The following TNS3 variants were observed in gnomAD, a reference collection of about 807,000 sequenced individuals.
The protein encoded by TNS3 is tensin-3.
A neutral mutation model predicts 140.9 loss-of-function variants in TNS3; 45 were observed. The observed-to-expected ratio is 0.32, with a 90% CI of 0.25 to 0.41. TNS3 has a LOEUF of 0.41. Ranked by LOEUF, TNS3 falls within the 10% of genes least tolerant of loss-of-function variation. The pLI, the probability that TNS3 is intolerant of heterozygous loss-of-function variation, is 1.00. For missense variants in TNS3, 1,716 were observed against 1,906.7 expected (o/e 0.90, Z 1.86); for synonymous variants, 815 against 788.4 (o/e 1.03, Z -0.56).
Position 47,276,183 on chromosome 7 carries a change from C to A in TNS3, c.*1893G>T. ...TGCCAGCACCTCCTGACAGTCATGC[C>A]ACCGCAAGTTAGAGAAGGAGGTCCA... On this transcript the variant is annotated 3_prime_UTR_variant, in exon 31 of 31. Coordinates refer to ENST00000311160, the MANE Select transcript of TNS3 (RefSeq NM_022748.12). 5.2e-6 allele frequency: 1 copy of A among 190,602 alleles called. No homozygotes were observed. Among genetic ancestry groups the A allele is most frequent in the Non-Finnish European group, 1.1e-5 (1 of 91,192 alleles). 11.8% of individuals were successfully genotyped at this position (190,602 alleles called of 1,614,324 possible).
At chr7:47,447,962 A>G (rs189339735) in intron 4 of TNS3, among the ~76,000 whole-genome samples, 301 of 152,332 alleles carry the variant, frequency 2.0e-3, no homozygotes, top group African/African-American at 7.2e-3. Context: ...GAGCAGAACA[A>G]GGGAAGAGCC....
intron 3 of TNS3, among the ~76,000 whole-genome samples, chr7:47,506,197 T>C (rs334495): frequency 0.72 from 109,300 of 152,066 alleles, 39,338 homozygotes; most frequent in Non-Finnish European, 0.74. Flanking sequence ...CAAATCATAC[T>C]TGGGGATTCC....
chr7:47,515,436 A>G (rs1381682316), intron 2 of TNS3, among the ~76,000 whole-genome samples: 1 of 152,184 alleles, frequency 6.6e-6, no homozygotes, highest in Non-Finnish European at 1.5e-5. Flanking sequence ...TCACAGCACT[A>G]TCATTGCTGT....
chr7:47,519,401 A>G lies in TNS3; in HGVS notation c.-153+9635T>C, dbSNP rs554060589. On this transcript the variant is annotated intron_variant, in intron 2 of 30. Coordinates refer to ENST00000311160, the MANE Select transcript of TNS3 (RefSeq NM_022748.12). ...CTCAAAAACATCTTAAGTCTAACTCAGGAAACCCTCTTAGTAATTGTCTCC... is the reference window on the plus strand; with the variant it reads ...CTCAAAAACATCTTAAGTCTAACTCGGGAAACCCTCTTAGTAATTGTCTCC... Among the ~76,000 whole-genome samples the G allele has an allele frequency of 1.6e-4, 24 of 152,308 alleles. No homozygotes were observed. The South Asian group carries it at 4.6e-3, about 29-fold the overall frequency.
intron 16 of TNS3, among the ~76,000 whole-genome samples, chr7:47,383,232 G>C (rs374718120): frequency 9.3e-4 from 141 of 152,324 alleles, no homozygotes; most frequent in African/African-American, 3.2e-3. Context: ...CCACAGCCAT[G>C]AAAGGATGGA....
chr7:47,511,923 A>G (rs1263843235), intron 2 of TNS3, among the ~76,000 whole-genome samples: 1 of 152,164 alleles, frequency 6.6e-6, no homozygotes, highest in African/African-American at 2.4e-5. Flanking sequence ...GGCTCCTTCC[A>G]TGCAGCCCCG....
At chr7:47,280,221 A>T (rs1287089639) in intron 29 of TNS3, 31 bp from the exon 30 acceptor site, 1 of 1,614,038 alleles carries the variant, frequency 6.2e-7, no homozygotes, top group Non-Finnish European at 8.5e-7. Context: ...ACAGAGGTTA[A>T]TTTTTTTAAA....
At chr7:47,447,849 A>G (rs539866964) in intron 4 of TNS3, among the ~76,000 whole-genome samples, 5 of 152,312 alleles carry the variant, frequency 3.3e-5, no homozygotes, top group Non-Finnish European at 5.9e-5. Context: ...TAGTATCTCT[A>G]TGAGAACCAT....
chr7:47,419,063 C>A (rs1794232756), intron 10 of TNS3, among the ~76,000 whole-genome samples: 2 of 152,250 alleles, frequency 1.3e-5, no homozygotes, highest in Admixed American at 1.3e-4. Context: ...TCTTAACGTT[C>A]TGCTGAGCAT....
chr7:47,352,126 C>A (rs1230545732), intron 17 of TNS3, among the ~76,000 whole-genome samples: 1 of 149,436 alleles, frequency 6.7e-6, no homozygotes, highest in Non-Finnish European at 1.5e-5. Flanking sequence ...GTCTCTCACA[C>A]ACTCTTACAC....
chr7:47,366,684 C>A (rs561788568), intron 17 of TNS3, among the ~76,000 whole-genome samples: 25 of 149,540 alleles, frequency 1.7e-4, no homozygotes, highest in African/African-American at 5.8e-4. Flanking sequence ...GACACTGAGT[C>A]CACACCTCAG....
Position 47,496,973 on chromosome 7 carries a change from G to C in TNS3, c.-115+9934C>G, listed in dbSNP as rs146968285. Among the ~76,000 whole-genome samples, 44 of 152,306 alleles carry C rather than the reference G, an allele frequency of 2.9e-4. No homozygotes were observed. In the East Asian group the frequency reaches 8.1e-3, roughly 28 times the overall value. On this transcript the variant is annotated intron_variant, in intron 3 of 30. Transcript: ENST00000311160. ...CCAGAACCAAGGCAGCATCGAGCAAGAGGCACTTGGATTCCAGTGTCAGAA... is the reference window on the plus strand; with the variant it reads ...CCAGAACCAAGGCAGCATCGAGCAACAGGCACTTGGATTCCAGTGTCAGAA...
chr7:47,292,030 G>T lies in TNS3; in HGVS notation c.3853C>A (p.Pro1285Thr). Reference sequence around the variant, plus strand: ...GAACTTTCTGCTATTTCCTCCAATGGATCTGTAGGAAGGGGCAAGAAAATA... The same window carrying T: ...GAACTTTCTGCTATTTCCTCCAATGTATCTGTAGGAAGGGGCAAGAAAATA... ...PCKLLIPERD[P>T]LEEIAESSPQ... The change falls in exon 27 of 31, where the codon CCA becomes ACA. Residue 1285 changes from proline to threonine, a missense_variant and splice_region_variant. By Grantham distance (38) the Pro-to-Thr change is conservative. Around this residue, in one of 3 missense-constraint regions of TNS3, gnomAD observed 216 missense variants for 295.7 expected, o/e 0.73. Coordinates refer to ENST00000311160, the MANE Select transcript of TNS3 (RefSeq NM_022748.12). 2 of 1,614,052 alleles carry T rather than the reference G, an allele frequency of 1.2e-6. No individual in the cohort carries two copies. Among genetic ancestry groups the T allele is most frequent in the Non-Finnish European group, 1.7e-6 (2 of 1,179,974 alleles).
At chr7:47,300,408 T>A (rs1235758862) in intron 23 of TNS3, among the ~76,000 whole-genome samples, 2 of 152,198 alleles carry the variant, frequency 1.3e-5, no homozygotes, top group Non-Finnish European at 2.9e-5. Context: ...ATCAAGCACA[T>A]GCCAACAGCA....
chr7:47,545,718 G>A (rs564387421), intron 1 of TNS3, among the ~76,000 whole-genome samples: 4 of 152,242 alleles, frequency 2.6e-5, no homozygotes, highest in African/African-American at 9.6e-5. Context: ...CTTCCTGACC[G>A]AAAATGCCCC....
intron 3 of TNS3, among the ~76,000 whole-genome samples, chr7:47,487,697 C>G (rs542525838): frequency 2.0e-5 from 3 of 152,288 alleles, no homozygotes; most frequent in African/African-American, 7.2e-5. Context: ...AAGCAATTCA[C>G]TGAGTTAAGC....
In TNS3 at chr7:47,368,322, GGAGCA is replaced by G. The variant is rs778056126; in HGVS notation, c.2281+38_2281+42del. ...TTCTCATCACACATTAGCCTCCCGTGGAGCACCTCCCGTGGAGCACCTCCCATGGA... is the reference window on the plus strand; with the variant it reads ...TTCTCATCACACATTAGCCTCCCGTGCCTCCCGTGGAGCACCTCCCATGGA... On this transcript the variant is annotated intron_variant, in intron 17 of 30. Transcript: ENST00000311160. 26 of 1,434,840 alleles carry G rather than the reference GGAGCA, an allele frequency of 1.8e-5. No homozygotes were observed. The African/African-American group carries it at 3.6e-4, about 20-fold the overall frequency. The allele number at this position is 1,434,840 out of a possible 1,614,324, so 88.9% of individuals were successfully genotyped here. A position where few individuals can be genotyped will look rare whatever the true frequency, so the allele number is the denominator to read the frequency against.
intron 16 of TNS3, among the ~76,000 whole-genome samples, chr7:47,378,698 A>C (rs933529956): frequency 6.6e-6 from 1 of 152,036 alleles, no homozygotes; most frequent in Non-Finnish European, 1.5e-5. Context: ...TGCTTAACCC[A>C]CAAGGTTAGG....
rs137928747 is a variant in TNS3 at position 47,458,991 on chromosome 7, G to A, written c.-75-16936C>T. Reference sequence around the variant, plus strand: ...ATAGGATGGACCCCTAAATAAGTACGGGCGACTTTCTTCCGCCCATACTTA... The same window carrying A: ...ATAGGATGGACCCCTAAATAAGTACAGGCGACTTTCTTCCGCCCATACTTA... On this transcript the variant is annotated intron_variant, in intron 4 of 30. Transcript: ENST00000311160. Among the ~76,000 whole-genome samples the A allele has an allele frequency of 4.0e-3, 615 of 152,158 alleles. 1 individual carries two copies. The highest frequency in any genetic ancestry group is 0.014 in the Middle Eastern group (4 of 294).
Sources: allele counts gnomAD v4.1 joint callset (sites outside exome capture counted in the v4.1 genomes callset), GRCh38; gene constraint gnomAD v4.1.1; regional missense constraint gnomAD v4.1.1; transcripts MANE v1.5; gene names NCBI Gene and HGNC (gene_info 2026-07-23, HGNC 2026-07-21).